The following C8orf34 variants were observed in gnomAD, a reference collection of about 807,000 sequenced individuals.
The protein encoded by C8orf34 is chromosome 8 open reading frame 34.
C8orf34 carries 65 observed loss-of-function variants against 68.3 expected under a neutral mutation model. The observed-to-expected ratio is 0.95, with a 90% confidence interval of 0.78 to 1.17. The LOEUF is 1.17. C8orf34 is among the 50% of genes most tolerant of loss of function. The pLI is 0.00. For synonymous variants in C8orf34, 244 were observed against 241.2 expected, an observed-to-expected ratio of 1.01 and a Z score of -0.11; for missense variants, 664 against 655.4, an observed-to-expected ratio of 1.01 and a Z score of -0.14.
intron 6 of C8orf34, among the ~76,000 whole-genome samples, chr8:68,527,496 C>T (rs969690358): frequency 2.2e-4 from 33 of 152,072 alleles, no homozygotes; most frequent in South Asian, 2.1e-4. Flanking sequence ...GGCGTGAACC[C>T]GGGAGGTGGA....
At chr8:68,462,697 T>A (rs1370243255) in intron 3 of C8orf34, among the ~76,000 whole-genome samples, 1 of 151,262 alleles carries the variant, frequency 6.6e-6, no homozygotes, top group Non-Finnish European at 1.5e-5. Flanking sequence ...GACTACTGGG[T>A]ACATAACAAA....
chr8:68,740,881 A>ATAG (rs1822270087), intron 10 of C8orf34, among the ~76,000 whole-genome samples: 2 of 152,200 alleles, frequency 1.3e-5, no homozygotes, highest in Non-Finnish European at 2.9e-5. Flanking sequence ...CATATACACT[A>ATAG]TGGAATACTA....
chr8:68,629,143 T>A (rs778948069), intron 7 of C8orf34, among the ~76,000 whole-genome samples: 35 of 152,228 alleles, frequency 2.3e-4, no homozygotes, highest in Admixed American at 5.2e-4. Flanking sequence ...TACTCAACTT[T>A]AACTACTGGG....
intron 1 of C8orf34, among the ~76,000 whole-genome samples, chr8:68,412,498 T>A (rs1809486375): frequency 6.6e-6 from 1 of 152,114 alleles, no homozygotes; most frequent in African/African-American, 2.4e-5. Context: ...TCATTTTTAC[T>A]TTTCTCTACA....
intron 10 of C8orf34, among the ~76,000 whole-genome samples, chr8:68,761,906 G>A (rs1192749793): frequency 2.6e-5 from 4 of 152,120 alleles, no homozygotes; most frequent in African/African-American, 4.8e-5. Context: ...AAAATAAAAA[G>A]CATAGTAGAG....
intron 5 of C8orf34, among the ~76,000 whole-genome samples, chr8:68,496,498 G>A (rs1813529087): frequency 6.6e-6 from 1 of 152,148 alleles, no homozygotes; most frequent in South Asian, 2.1e-4. Flanking sequence ...TAAAAAGTTA[G>A]GAAGCTCAAG....
At chr8:68,500,774 C>T (rs958630378) in intron 5 of C8orf34, among the ~76,000 whole-genome samples, 1 of 152,060 alleles carries the variant, frequency 6.6e-6, no homozygotes, top group Admixed American at 6.5e-5. Flanking sequence ...CATTAACATT[C>T]GGGCAAATCA....
chr8:68,469,953 TG>T (rs1812312952), intron 4 of C8orf34, among the ~76,000 whole-genome samples: 1 of 151,848 alleles, frequency 6.6e-6, no homozygotes, highest in Non-Finnish European at 1.5e-5. Context: ...TGTGTGTGTG[TG>T]TGTATGTGTG....
rs575822640 is a variant in C8orf34, at chr8:68,464,151, G to A, written c.608-4541G>A. ...CAAGCATTCTTATACACCAATAACA[G>A]ACAAACCGAGAGCCAAATCATGAGT... On this transcript the variant is annotated intron_variant, in intron 3 of 13. Coordinates refer to ENST00000518698, the MANE Select transcript of C8orf34 (RefSeq NM_052958.4). 2.0e-5 allele frequency among the ~76,000 whole-genome samples: 3 copies of A among 152,148 alleles called. No individual in the cohort carries two copies. The South Asian group carries it at 6.2e-4, about 32-fold the overall frequency.
chr8:68,687,834 G>A (rs974224055), intron 8 of C8orf34, among the ~76,000 whole-genome samples: 1 of 151,954 alleles, frequency 6.6e-6, no homozygotes, highest in Non-Finnish European at 1.5e-5. Context: ...ACAACCCACA[G>A]AATAGAGAAA....
At chr8:68,380,628 G>T (rs549212975) in intron 1 of C8orf34, among the ~76,000 whole-genome samples, 130 of 152,258 alleles carry the variant, frequency 8.5e-4, no homozygotes, top group Non-Finnish European at 7.5e-4. Flanking sequence ...GGAATTTATT[G>T]AATGCATCAA....
Position 68,641,127 on chromosome 8 carries a change from G to A in C8orf34, c.1241+616G>A, listed in dbSNP as rs182109338. 1.8e-3 allele frequency among the ~76,000 whole-genome samples: 278 copies of A among 152,296 alleles called. 1 individual carries two copies. The highest frequency in any genetic ancestry group is 3.0e-3 in the Non-Finnish European group (207 of 68,024). The stretch of plus-strand genomic sequence containing the variant: ...ATCTCATTTGCAAAGAGGCTTTTAA[G>A]CCTGTTTAAATGATGAAACAAGCCT... On this transcript the variant is annotated intron_variant, in intron 8 of 13. Coordinates refer to ENST00000518698, the MANE Select transcript of C8orf34 (RefSeq NM_052958.4).
At chr8:68,371,874 A>G (rs938898629) in intron 1 of C8orf34, among the ~76,000 whole-genome samples, 3 of 152,130 alleles carry the variant, frequency 2.0e-5, no homozygotes, top group Non-Finnish European at 4.4e-5. Context: ...CTGGGATTAC[A>G]GGCACCACTT....
chr8:68,416,774 G>T (rs970965088), intron 1 of C8orf34, among the ~76,000 whole-genome samples: 1 of 151,874 alleles, frequency 6.6e-6, no homozygotes, highest in Non-Finnish European at 1.5e-5. Context: ...CACGTGACCC[G>T]CCCATCTCAG....
At chr8:68,614,627 T>C (rs1318782621) in intron 7 of C8orf34, among the ~76,000 whole-genome samples, 1 of 152,188 alleles carries the variant, frequency 6.6e-6, no homozygotes, top group African/African-American at 2.4e-5. Flanking sequence ...CTGAGGGCTC[T>C]GTTGTGTTCC....
intron 1 of C8orf34, among the ~76,000 whole-genome samples, chr8:68,403,423 C>T (rs918103012): frequency 3.4e-4 from 51 of 152,142 alleles, no homozygotes; most frequent in Admixed American, 2.6e-3. Context: ...CTGGGGTACA[C>T]GTGCAAAACG....
intron 1 of C8orf34, among the ~76,000 whole-genome samples, chr8:68,349,052 AAGGTGGATGCT>A (rs1458039336): frequency 2.0e-5 from 3 of 151,974 alleles, no homozygotes; most frequent in Non-Finnish European, 2.9e-5. Flanking sequence ...GACAGTTTTA[AAGGTGGATGCT>A]TCCAGATTTT....
chr8:68,543,395 T>C (rs1815763587), intron 7 of C8orf34, among the ~76,000 whole-genome samples: 1 of 152,188 alleles, frequency 6.6e-6, no homozygotes, highest in African/African-American at 2.4e-5. Context: ...AATATTACCT[T>C]GGAATAATTA....
chr8:68,334,298 C>T (rs978768111), intron 1 of C8orf34, among the ~76,000 whole-genome samples: 6 of 151,970 alleles, frequency 3.9e-5, no homozygotes, highest in African/African-American at 1.2e-4. Context: ...GCCTAAAAAT[C>T]ATTGCATTAG....
Sources: allele counts gnomAD v4.1 joint callset (sites outside exome capture counted in the v4.1 genomes callset), GRCh38; gene constraint gnomAD v4.1.1; transcripts MANE v1.5; gene names NCBI Gene and HGNC (gene_info 2026-07-23, HGNC 2026-07-21).